The following PRKN variants were observed in gnomAD, a reference collection of about 807,000 sequenced individuals.
The protein encoded by PRKN is E3 ubiquitin-protein ligase parkin.
Under a neutral mutation model 59.5 loss-of-function variants are expected in PRKN, and 56 were observed. The ratio of observed to expected loss-of-function variants is 0.94; its 90% CI spans 0.76 to 1.18. The LOEUF is 1.18. Ranked by LOEUF, PRKN falls within the 50% of genes most tolerant of loss-of-function variation. PRKN has a pLI of 0.00. For synonymous variants in PRKN, 250 were observed against 222.1 expected, an observed-to-expected ratio of 1.13 and a Z score of -1.12; for missense variants, 657 against 596.4, an observed-to-expected ratio of 1.10 and a Z score of -1.06.
At chr6:162,462,987 G>C (rs1350000184) in intron 1 of PRKN, among the ~76,000 whole-genome samples, 53 of 152,016 alleles carry the variant, frequency 3.5e-4, no homozygotes, top group Admixed American at 3.5e-3. Context: ...CCAGCTACTT[G>C]GGAGGCTGAG....
intron 2 of PRKN, among the ~76,000 whole-genome samples, chr6:162,303,377 TTC>T (rs1249586583): frequency 3.3e-5 from 5 of 152,196 alleles, no homozygotes; most frequent in Non-Finnish European, 5.9e-5. Context: ...CAAGCCAATG[TTC>T]TCAGTGCTCC....
intron 6 of PRKN, among the ~76,000 whole-genome samples, chr6:161,867,752 T>TATTTATTTATTC (rs747978764): frequency 0.025 from 3,645 of 143,754 alleles, 174 homozygotes; most frequent in African/African-American, 0.098. Context: ...TTTATTTATT[T>TATTTATTTATTC]ATTTATTTAT....
intron 7 of PRKN, among the ~76,000 whole-genome samples, chr6:161,755,399 T>C (rs1366526730): frequency 1.3e-5 from 2 of 152,008 alleles, no homozygotes; most frequent in African/African-American, 4.8e-5. Flanking sequence ...AGTTCTGAAA[T>C]TGTCATGTTG....
At chr6:161,748,976 C>A (rs945053816) in intron 7 of PRKN, among the ~76,000 whole-genome samples, 19 of 152,192 alleles carry the variant, frequency 1.2e-4, no homozygotes, top group Non-Finnish European at 4.4e-5. Flanking sequence ...AACAAACCAA[C>A]CCGCCGCCAG....
intron 7 of PRKN, among the ~76,000 whole-genome samples, chr6:161,586,517 T>A (rs1781527232): frequency 1.3e-5 from 2 of 152,240 alleles, no homozygotes; most frequent in Non-Finnish European, 2.9e-5. Context: ...TAAATGAGAT[T>A]TTGTGAAACG....
At chr6:161,661,530 G>T (rs541460279) in intron 7 of PRKN, among the ~76,000 whole-genome samples, 6 of 146,848 alleles carry the variant, frequency 4.1e-5, no homozygotes, top group Non-Finnish European at 7.5e-5. Flanking sequence ...ACCACTACCT[G>T]CCCCAGCCTC....
At chr6:162,110,423 A>C (rs1432793771) in intron 4 of PRKN, among the ~76,000 whole-genome samples, 1 of 152,232 alleles carries the variant, frequency 6.6e-6, no homozygotes, top group African/African-American at 2.4e-5. Context: ...TCAAAGACCA[A>C]TGTGGACATA....
chr6:161,884,612 A>G (rs1443217785), intron 6 of PRKN, among the ~76,000 whole-genome samples: 1 of 152,170 alleles, frequency 6.6e-6, no homozygotes, highest in Non-Finnish European at 1.5e-5. Context: ...CAAGTAATTT[A>G]TTTTTAAATT....
rs961577290 is a variant in PRKN, at chr6:161,417,168, C to T, written c.1084-30291G>A. ...TTTGATGGCCTGTAAAGTCATCTAA[C>T]GGGCTTGGCGCAGTGGCTCACGCCT... is the stretch of plus-strand genomic sequence containing the variant. On this transcript the variant is annotated intron_variant, in intron 9 of 11. Coordinates refer to ENST00000366898, the MANE Select transcript of PRKN (RefSeq NM_004562.3). This position sits in a 1 kb window ranked among gnomAD's most constrained non-coding sequence, Gnocchi z 5.4. Among the ~76,000 whole-genome samples the T allele has an allele frequency of 2.0e-5, 3 of 152,194 alleles. No individual in the cohort carries two copies. Among genetic ancestry groups the T allele is most frequent in the Non-Finnish European group, 2.9e-5 (2 of 68,014 alleles).
chr6:161,765,883 A>G (rs1209937844), intron 7 of PRKN, among the ~76,000 whole-genome samples: 4 of 152,250 alleles, frequency 2.6e-5, no homozygotes, highest in Admixed American at 2.6e-4. Context: ...GCATGTTCAA[A>G]TTAAAATAGG....
chr6:161,490,494 G>A (rs7770610), intron 9 of PRKN, among the ~76,000 whole-genome samples: 4,021 of 150,518 alleles, frequency 0.027, 162 homozygotes, highest in African/African-American at 0.094. Context: ...GGGTTCAAGC[G>A]ATTCTCCTGT....
chr6:162,324,060 T>G (rs1354503597), intron 2 of PRKN, among the ~76,000 whole-genome samples: 1 of 152,122 alleles, frequency 6.6e-6, no homozygotes, highest in Non-Finnish European at 1.5e-5. Context: ...TGTGCAACTT[T>G]CTAGTGTGTA....
chr6:161,367,653 C>T (rs1785263317), intron 10 of PRKN, among the ~76,000 whole-genome samples: 1 of 152,166 alleles, frequency 6.6e-6, no homozygotes, highest in Non-Finnish European at 1.5e-5. Flanking sequence ...AATCTGATGA[C>T]TCAGACCTCG....
chr6:162,093,218 A>T (rs1779580879), intron 4 of PRKN, among the ~76,000 whole-genome samples: 1 of 152,216 alleles, frequency 6.6e-6, no homozygotes, highest in Admixed American at 6.5e-5. Context: ...TAAATGGTCT[A>T]TAACTTGTTC....
intron 1 of PRKN, among the ~76,000 whole-genome samples, chr6:162,520,070 T>C (rs9347657): frequency 0.4 from 61,324 of 151,818 alleles, 12,613 homozygotes; most frequent in South Asian, 0.57. Flanking sequence ...GACAACATAG[T>C]GAGACCCTCA....
chr6:162,636,749 C>T (rs367797984), intron 1 of PRKN, among the ~76,000 whole-genome samples: 21 of 152,120 alleles, frequency 1.4e-4, no homozygotes, highest in Non-Finnish European at 2.9e-4. Context: ...CTTTGGGAGG[C>T]GGAGGCAGAA....
At chr6:162,328,780 G>A (rs576770160) in intron 2 of PRKN, among the ~76,000 whole-genome samples, 1 of 152,128 alleles carries the variant, frequency 6.6e-6, no homozygotes, top group South Asian at 2.1e-4. Flanking sequence ...AGGAGCGAGC[G>A]GCTGCCAAGG....
At chr6:162,473,658 CT>C (rs1459619976) in intron 1 of PRKN, among the ~76,000 whole-genome samples, 2 of 152,048 alleles carry the variant, frequency 1.3e-5, no homozygotes, top group African/African-American at 4.8e-5. Context: ...AGTGGTCATT[CT>C]TTTTTTGTAC....
rs528648968 is a variant in PRKN at position 161,475,792 on chromosome 6, C to T, written c.1083+73062G>A. Reference sequence around the variant, plus strand: ...TCCTGGCCTGACTTGTTATTTAATTCATTCATAAAGAAACACATATTAAAA... The same window carrying T: ...TCCTGGCCTGACTTGTTATTTAATTTATTCATAAAGAAACACATATTAAAA... On this transcript the variant is annotated intron_variant, in intron 9 of 11. Transcript: ENST00000366898. This position sits in a 1 kb window ranked among gnomAD's most constrained non-coding sequence, Gnocchi z 5.3. Among the ~76,000 whole-genome samples, 60 of 152,256 alleles carry T rather than the reference C, an allele frequency of 3.9e-4. 1 individual carries two copies. Among genetic ancestry groups the T allele is most frequent in the African/African-American group, 1.4e-3 (57 of 41,570 alleles).
Sources: gnomAD v4.1 joint callset for allele counts (sites outside exome capture counted in the v4.1 genomes callset) on GRCh38, gnomAD v4.1.1 for gene constraint, Gnocchi (gnomAD v3.1) non-coding constraint, MANE v1.5 for transcripts, NCBI Gene and HGNC (gene_info 2026-07-23, HGNC 2026-07-21) for gene names.